Variants in ENOX1 observed in about 807,000 individuals in gnomAD.
The protein encoded by ENOX1 is candidate growth-related and time keeping constitutive hydroquinone (NADH) oxidase.
ENOX1 carries 42 observed loss-of-function variants against 82.5 expected under a neutral mutation model. The ratio of observed to expected loss-of-function variants is 0.51; its 90% confidence interval spans 0.40 to 0.66. ENOX1 has a LOEUF of 0.66. Among genes scored for constraint, ENOX1 ranks in the 30% least tolerant of loss-of-function variants. The pLI is 0.00. For synonymous variants in ENOX1, 271 were observed against 282.2 expected, an observed-to-expected ratio of 0.96 and a Z score of 0.40; for missense variants, 608 against 811.6, an observed-to-expected ratio of 0.75 and a Z score of 3.05.
chr13:43,595,153 G>A (rs532022225), intron 2 of ENOX1, among the ~76,000 whole-genome samples: 6 of 149,536 alleles, frequency 4.0e-5, no homozygotes, highest in Non-Finnish European at 7.4e-5. Context: ...AGATCAGAAG[G>A]AGCTTAATGT....
At chr13:43,694,282 G>A (rs1286217541) in intron 1 of ENOX1, among the ~76,000 whole-genome samples, 2 of 150,750 alleles carry the variant, frequency 1.3e-5, no homozygotes, top group Non-Finnish European at 2.9e-5. Flanking sequence ...GTCTGTGCTA[G>A]AACAAAATCA....
chr13:43,546,277 G>A (rs2078970043), intron 2 of ENOX1: 1 of 152,288 alleles, frequency 6.6e-6, no homozygotes, highest in Non-Finnish European at 1.5e-5. Flanking sequence ...AGGCCTCTCA[G>A]ATGAGTTGGC....
chr13:43,676,007 T>C (rs2085491175), intron 1 of ENOX1, among the ~76,000 whole-genome samples: 1 of 152,176 alleles, frequency 6.6e-6, no homozygotes, highest in Non-Finnish European at 1.5e-5. Flanking sequence ...GTGGCATAGA[T>C]TTTTAGACAG....
rs186407152 is a variant in ENOX1, at chr13:43,608,636, A to G, written c.-219+58843T>C. Among the ~76,000 whole-genome samples the G allele has an allele frequency of 2.3e-4, 35 of 152,296 alleles. No individual in the cohort carries two copies. In the East Asian group the frequency reaches 6.2e-3, roughly 27 times the overall value. The stretch of plus-strand genomic sequence containing the variant: ...AGTTAACCAAGAACTGCCTTCTGCC[A>G]TCTCAAATTGGGTGGATGAGGGGCT... On this transcript the variant is annotated intron_variant, in intron 2 of 16. Transcript: ENST00000690772.
At chr13:43,614,969 T>C (rs931574528) in intron 2 of ENOX1, among the ~76,000 whole-genome samples, 3 of 152,142 alleles carry the variant, frequency 2.0e-5, no homozygotes, top group Non-Finnish European at 4.4e-5. Flanking sequence ...TGAATGTACA[T>C]TAAAGTTTGA....
chr13:43,686,888 C>G (rs1021129554), intron 1 of ENOX1, among the ~76,000 whole-genome samples: 1 of 152,154 alleles, frequency 6.6e-6, no homozygotes, highest in Non-Finnish European at 1.5e-5. Flanking sequence ...CATACTCTCT[C>G]CATCACAGCC....
chr13:43,535,449 C>T (rs4506792), intron 2 of ENOX1, among the ~76,000 whole-genome samples: 31 of 152,144 alleles, frequency 2.0e-4, no homozygotes, highest in African/African-American at 7.5e-4. Flanking sequence ...TCTTCTTATA[C>T]CCTGCCTTCC....
chr13:43,668,600 CATT>C (rs1442374747), intron 1 of ENOX1, among the ~76,000 whole-genome samples: 3 of 152,248 alleles, frequency 2.0e-5, no homozygotes, highest in East Asian at 1.9e-4. Context: ...TGAAGATAGA[CATT>C]ATTTGTTCCA....
chr13:43,258,566 T>C (rs913559766), intron 14 of ENOX1, among the ~76,000 whole-genome samples: 2 of 152,132 alleles, frequency 1.3e-5, no homozygotes, highest in Non-Finnish European at 2.9e-5. Context: ...GGGTAATATA[T>C]TCAATAGGGT....
chr13:43,737,756 C>G (rs2153825131), intron 1 of ENOX1, among the ~76,000 whole-genome samples: 1 of 152,264 alleles, frequency 6.6e-6, no homozygotes, highest in East Asian at 1.9e-4. Flanking sequence ...TCAAACAAGT[C>G]ATAATTTGTG....
At chr13:43,321,737 T>C (rs575883592) in intron 11 of ENOX1, among the ~76,000 whole-genome samples, 1 of 152,252 alleles carries the variant, frequency 6.6e-6, no homozygotes, top group Non-Finnish European at 1.5e-5. Flanking sequence ...GCAGTCTCCC[T>C]TGGTGTCTCA....
chr13:43,578,143 G>A (rs1450616794), intron 2 of ENOX1, among the ~76,000 whole-genome samples: 1 of 152,088 alleles, frequency 6.6e-6, no homozygotes, highest in African/African-American at 2.4e-5. Context: ...AAACGATCTG[G>A]CTTCTAATAA....
At chr13:43,287,939 G>A (rs927860597) in intron 12 of ENOX1, among the ~76,000 whole-genome samples, 44 of 152,166 alleles carry the variant, frequency 2.9e-4, no homozygotes, top group Admixed American at 2.6e-3. Context: ...ACACTGAAGT[G>A]AGATACTTAC....
At chr13:43,598,442 C>T (rs1208810298) in intron 2 of ENOX1, among the ~76,000 whole-genome samples, 2 of 152,082 alleles carry the variant, frequency 1.3e-5, no homozygotes, top group African/African-American at 4.8e-5. Context: ...AACTCCAAAC[C>T]TTCATTTTCA....
intron 9 of ENOX1, among the ~76,000 whole-genome samples, chr13:43,343,872 G>A (rs776188681): frequency 2.8e-4 from 43 of 151,882 alleles, no homozygotes; most frequent in East Asian, 1.2e-3. Context: ...AAAAATATAC[G>A]CCCTTTTTTT....
intron 5 of ENOX1, among the ~76,000 whole-genome samples, chr13:43,381,553 CATAGA>C: frequency 6.7e-6 from 1 of 148,462 alleles, no homozygotes; most frequent in Admixed American, 6.7e-5. Flanking sequence ...GAATTAGTGA[CATAGA>C]AAAACTATAG....
intron 2 of ENOX1, among the ~76,000 whole-genome samples, chr13:43,496,580 C>G (rs2076801474): frequency 6.6e-6 from 1 of 151,904 alleles, no homozygotes; most frequent in Admixed American, 6.6e-5. Context: ...TAGGGTCTCG[C>G]TATGTTGCCC....
At chr13:43,725,825 G>A (rs1004323246) in intron 1 of ENOX1, among the ~76,000 whole-genome samples, 3 of 151,522 alleles carry the variant, frequency 2.0e-5, no homozygotes, top group Admixed American at 2.0e-4. Flanking sequence ...AAAGAAGCTA[G>A]GCATGGTGGT....
chr13:43,366,674 A>T (rs2050871304), intron 5 of ENOX1, among the ~76,000 whole-genome samples: 1 of 152,218 alleles, frequency 6.6e-6, no homozygotes, highest in African/African-American at 2.4e-5. Context: ...TGGTCATCCA[A>T]GAAGAACACC....
Sources: allele counts gnomAD v4.1 joint callset (sites outside exome capture counted in the v4.1 genomes callset), GRCh38; gene constraint gnomAD v4.1.1; transcripts MANE v1.5; gene names NCBI Gene and HGNC (gene_info 2026-07-23, HGNC 2026-07-21).